The following DMD variants were observed in gnomAD, a reference collection of about 807,000 sequenced individuals.
DMD encodes the protein mutant dystrophin.
Under a neutral mutation model 330.1 loss-of-function variants are expected in DMD, and 63 were observed. That is an observed-to-expected ratio of 0.19 (90% CI 0.16 to 0.24). The LOEUF (loss-of-function observed/expected upper bound fraction) is 0.24, where lower values mean the gene tolerates loss of function less well. DMD is among the 10% of genes least tolerant of loss of function. DMD has a pLI of 1.00. For missense variants in DMD, 3,344 were observed against 2,684.1 expected (o/e 1.25, Z -5.43); for synonymous variants, 1,223 against 959.8 (o/e 1.27, Z -5.07).
chrX:32,898,361 G>A (rs2085922638), intron 2 of DMD, among the ~76,000 whole-genome samples: 1 of 112,209 alleles, frequency 8.9e-6, no homozygotes, highest in African/African-American at 3.2e-5. Flanking sequence ...TACAGGACAG[G>A]TTAAGCCCCA....
At chrX:32,503,700 C>T (rs755133701) in intron 18 of DMD, among the ~76,000 whole-genome samples, 14 of 110,176 alleles carry the variant, frequency 1.3e-4, no homozygotes, top group East Asian at 2.9e-4. Context: ...GGATTACAGG[C>T]GTGCACCACC....
chrX:33,184,020 A>C (rs1017707303), intron 1 of DMD, among the ~76,000 whole-genome samples: 1 of 111,674 alleles, frequency 9.0e-6, no homozygotes, highest in Non-Finnish European at 1.9e-5. Context: ...GTGTTTTGAT[A>C]GTTAAAAGGG....
intron 2 of DMD, among the ~76,000 whole-genome samples, chrX:32,870,092 CAA>C (rs1004129528): frequency 8.9e-6 from 1 of 111,824 alleles, no homozygotes; most frequent in African/African-American, 3.3e-5. Context: ...GCAAATTCAG[CAA>C]AGTCTCAGGA....
chrX:32,843,587 T>A (rs2080360840), intron 4 of DMD, among the ~76,000 whole-genome samples: 1 of 112,151 alleles, frequency 8.9e-6, no homozygotes, highest in Admixed American at 9.5e-5. Flanking sequence ...CTGAGCAACA[T>A]TTGGGGGAGT....
At chrX:32,786,833 T>C (rs2075396909) in intron 7 of DMD, among the ~76,000 whole-genome samples, 1 of 111,967 alleles carries the variant, frequency 8.9e-6, no homozygotes, top group African/African-American at 3.2e-5. Flanking sequence ...ACTCTTCAGT[T>C]GCAAATGACC....
intron 1 of DMD, chrX:33,159,689 T>C (rs1247678449): frequency 8.9e-6 from 1 of 111,753 alleles, no homozygotes; most frequent in African/African-American, 3.3e-5. Context: ...CTATCACTGA[T>C]GGGCATTTGG....
intron 1 of DMD, among the ~76,000 whole-genome samples, chrX:33,130,507 T>TA (rs34652748): frequency 9.2e-6 from 1 of 108,618 alleles, no homozygotes; most frequent in Non-Finnish European, 1.9e-5. Flanking sequence ...GCCACTAGTG[T>TA]AAAAAAAGGT....
At chrX:32,248,528 G>T (rs750376949) in intron 43 of DMD, among the ~76,000 whole-genome samples, 2 of 108,589 alleles carry the variant, frequency 1.8e-5, no homozygotes, top group Admixed American at 2.0e-4. Context: ...TACACACCTC[G>T]ACAAGCAAGC....
chrX:32,288,346 G>A (rs2097451774), intron 42 of DMD, among the ~76,000 whole-genome samples: 1 of 111,272 alleles, frequency 9.0e-6, no homozygotes, highest in African/African-American at 3.3e-5. Flanking sequence ...GACAACTTTG[G>A]AGCCATCCTT....
At chrX:31,449,992 G>A (rs951936752) in intron 59 of DMD, among the ~76,000 whole-genome samples, 14 of 108,731 alleles carry the variant, frequency 1.3e-4, no homozygotes, top group Middle Eastern at 4.7e-3. Context: ...TTATTCTTGG[G>A]CTACATACAC....
At chrX:31,345,674 T>G (rs1024092671) in intron 61 of DMD, among the ~76,000 whole-genome samples, 7 of 111,615 alleles carry the variant, frequency 6.3e-5, no homozygotes, top group Non-Finnish European at 1.3e-4. Flanking sequence ...CAAGGCAAGT[T>G]AAGTAGACCA....
intron 7 of DMD, among the ~76,000 whole-genome samples, chrX:32,777,276 T>TGGGGGGGGGGGGGGGGG (rs1373161447): frequency 2.0e-3 from 1 of 504 alleles, no homozygotes; most frequent in Non-Finnish European, 2.6e-3. Flanking sequence ...TGGTTTCTGG[T>TGGGGGGGGGGGGGGGGG]TGGGGGGGGA....
chrX:31,303,340 C>T (rs72625571), intron 62 of DMD, among the ~76,000 whole-genome samples: 8,235 of 110,728 alleles, frequency 0.074, 447 homozygotes, highest in Admixed American at 0.18. Context: ...TGTCTATTTA[C>T]AGTGCTTTTT....
intron 44 of DMD, among the ~76,000 whole-genome samples, chrX:32,169,557 C>T (rs1234415459): frequency 1.8e-5 from 2 of 111,727 alleles, no homozygotes; most frequent in Non-Finnish European, 3.8e-5. Flanking sequence ...TCTAGACATA[C>T]ATATAGAAGG....
intron 44 of DMD, among the ~76,000 whole-genome samples, chrX:32,063,524 A>G (rs1385810681): frequency 9.0e-6 from 1 of 111,115 alleles, no homozygotes; most frequent in Non-Finnish European, 1.9e-5. Flanking sequence ...TATTTGTTTC[A>G]TTTATTTCCA....
At chrX:31,618,345 A>G (rs994698520) in intron 55 of DMD, among the ~76,000 whole-genome samples, 2 of 111,668 alleles carry the variant, frequency 1.8e-5, no homozygotes, top group Non-Finnish European at 3.8e-5. Flanking sequence ...ATTTTTCAGT[A>G]GGCTGTAGTG....
At chrX:32,668,431 G>T (rs749045005) in intron 9 of DMD, among the ~76,000 whole-genome samples, 1 of 111,665 alleles carries the variant, frequency 9.0e-6, no homozygotes, top group Non-Finnish European at 1.9e-5. Flanking sequence ...ATAGTCTGTT[G>T]CATTATTCAG....
intron 47 of DMD, among the ~76,000 whole-genome samples, chrX:31,918,636 C>CT (rs1243401003): frequency 3.0e-4 from 31 of 103,826 alleles, no homozygotes; most frequent in East Asian, 9.0e-4. Context: ...TTTTTTTAAT[C>CT]TTTTTTTTTT....
At chrX:32,626,869 G>A (rs1329710005) in intron 11 of DMD, among the ~76,000 whole-genome samples, 2 of 105,212 alleles carry the variant, frequency 1.9e-5, no homozygotes, top group African/African-American at 8.1e-5. Context: ...TTAAAAAACA[G>A]AAAGTTATTA....
Sources: allele counts gnomAD v4.1 joint callset (sites outside exome capture counted in the v4.1 genomes callset), GRCh38; gene constraint gnomAD v4.1.1; transcripts MANE v1.5; gene names NCBI Gene and HGNC (gene_info 2026-07-23, HGNC 2026-07-21).